Variants in CTNNA2 observed in about 807,000 individuals in gnomAD.
CTNNA2 encodes the protein catenin alpha 2, also known as catenin alpha-2.
CTNNA2 carries 42 observed loss-of-function variants against 101.0 expected under a neutral mutation model. That is an observed-to-expected ratio of 0.42 (90% CI 0.32 to 0.54). The LOEUF (loss-of-function observed/expected upper bound fraction) is 0.54. Among genes scored for constraint, CTNNA2 ranks in the 20% least tolerant of loss-of-function variants. CTNNA2 has a pLI of 0.14. For missense variants in CTNNA2, 871 were observed against 1,223.1 expected (o/e 0.71, Z 4.29); for synonymous variants, 450 against 456.4 (o/e 0.99, Z 0.18).
chr2:79,647,944 T>A (rs2104455527), intron 1 of CTNNA2, among the ~76,000 whole-genome samples: 1 of 152,304 alleles, frequency 6.6e-6, no homozygotes, highest in Non-Finnish European at 1.5e-5. Context: ...CAGAAGGCAG[T>A]AGCACAGAGG....
chr2:79,368,070 A>T (rs920752773), intron 3 of CTNNA2, among the ~76,000 whole-genome samples: 58 of 152,306 alleles, frequency 3.8e-4, no homozygotes, highest in Admixed American at 1.1e-3. Context: ...TTTCATTAGG[A>T]TAGATAAAAT....
chr2:80,193,283 G>A (rs1706637541), intron 7 of CTNNA2, among the ~76,000 whole-genome samples: 1 of 152,088 alleles, frequency 6.6e-6, no homozygotes, highest in Admixed American at 6.6e-5. Flanking sequence ...TCAAGTGTTT[G>A]GTGTGATTCA....
At chr2:79,673,819 T>TC (rs1306897036) in intron 2 of CTNNA2, among the ~76,000 whole-genome samples, 2 of 152,186 alleles carry the variant, frequency 1.3e-5, no homozygotes, top group Admixed American at 1.3e-4. Context: ...TTCCTTAGTC[T>TC]CCCTCTGTCT....
intron 7 of CTNNA2, among the ~76,000 whole-genome samples, chr2:80,170,429 A>T (rs1324626251): frequency 6.6e-6 from 1 of 152,180 alleles, no homozygotes; most frequent in South Asian, 2.1e-4. Context: ...AGACCAGTAG[A>T]ACTGATATGT....
chr2:79,972,536 A>G (rs899598721), intron 7 of CTNNA2, among the ~76,000 whole-genome samples: 8 of 152,198 alleles, frequency 5.3e-5, no homozygotes, highest in Non-Finnish European at 1.2e-4. Context: ...AGACAGGGAA[A>G]AGACACTCAA....
At chr2:80,190,092 A>G (rs997901937) in intron 7 of CTNNA2, among the ~76,000 whole-genome samples, 1 of 151,990 alleles carries the variant, frequency 6.6e-6, no homozygotes, top group Admixed American at 6.5e-5. Flanking sequence ...CTGAATCTCT[A>G]AAACTAGACC....
At chr2:79,267,688 C>T (rs946031051) in intron 2 of CTNNA2, among the ~76,000 whole-genome samples, 2 of 152,014 alleles carry the variant, frequency 1.3e-5, no homozygotes, top group Admixed American at 1.3e-4. Context: ...AGTGGGACCT[C>T]GAGAAAATAG....
intron 7 of CTNNA2, among the ~76,000 whole-genome samples, chr2:80,046,653 C>T (rs4852548): frequency 0.47 from 71,193 of 152,060 alleles, 18,265 homozygotes; most frequent in East Asian, 0.88. Context: ...CACCTCCAGG[C>T]GATCAGGAGT....
At chr2:79,684,894 G>T (rs1276748862) in intron 2 of CTNNA2, among the ~76,000 whole-genome samples, 1 of 151,918 alleles carries the variant, frequency 6.6e-6, no homozygotes, top group Non-Finnish European at 1.5e-5. Flanking sequence ...ATCCCTTCTG[G>T]CCTCTGTGAG....
chr2:79,306,033 G>A (rs540371217), intron 2 of CTNNA2, among the ~76,000 whole-genome samples: 60 of 132,238 alleles, frequency 4.5e-4, no homozygotes, highest in Non-Finnish European at 6.0e-4. Flanking sequence ...GCAACAGAGC[G>A]AGACACCATT....
chr2:79,932,213 C>T (rs988747274), intron 7 of CTNNA2, among the ~76,000 whole-genome samples: 3 of 152,182 alleles, frequency 2.0e-5, no homozygotes, highest in African/African-American at 7.2e-5. Flanking sequence ...TCCCCACACT[C>T]TACCTCCAGA....
intron 1 of CTNNA2, among the ~76,000 whole-genome samples, chr2:79,536,960 C>T (rs1204304942): frequency 6.6e-6 from 1 of 152,124 alleles, no homozygotes; most frequent in East Asian, 1.9e-4. Context: ...CCTCCGCCTC[C>T]CCATGGATTT....
intron 9 of CTNNA2, among the ~76,000 whole-genome samples, chr2:80,464,543 T>A (rs1684701686): frequency 6.6e-6 from 1 of 152,076 alleles, no homozygotes; most frequent in Non-Finnish European, 1.5e-5. Flanking sequence ...GTAGAATGAG[T>A]AGTATCAGGA....
intron 7 of CTNNA2, among the ~76,000 whole-genome samples, chr2:80,146,145 G>C (rs548678150): frequency 7.2e-5 from 11 of 152,310 alleles, no homozygotes; most frequent in Admixed American, 2.6e-4. Context: ...AGCCCTAGCT[G>C]TCTCTTCAAA....
intron 7 of CTNNA2, among the ~76,000 whole-genome samples, chr2:79,962,707 T>C (rs921311762): frequency 1.9e-4 from 29 of 152,260 alleles, no homozygotes; most frequent in Admixed American, 1.8e-3. Flanking sequence ...TTGATAGATA[T>C]GATTGGAGCA....
At chr2:79,760,208 A>C (rs1334353630) in intron 3 of CTNNA2, among the ~76,000 whole-genome samples, 1 of 152,156 alleles carries the variant, frequency 6.6e-6, no homozygotes, top group East Asian at 1.9e-4. Context: ...GCATTATGTA[A>C]ATGCTAATTA....
chr2:79,757,249 G>A (rs2105064068), intron 3 of CTNNA2, among the ~76,000 whole-genome samples: 2 of 138,776 alleles, frequency 1.4e-5, no homozygotes, highest in African/African-American at 5.7e-5. Context: ...TATTAACTGA[G>A]CAGAGCATAA....
intron 2 of CTNNA2, among the ~76,000 whole-genome samples, chr2:79,222,257 G>A (rs911433331): frequency 3.3e-5 from 5 of 152,228 alleles, no homozygotes; most frequent in Non-Finnish European, 7.3e-5. Flanking sequence ...GCCATGAAAT[G>A]TGTGTTGTCA....
At chr2:79,629,162 A>G (rs1388444078) in intron 1 of CTNNA2, among the ~76,000 whole-genome samples, 1 of 152,160 alleles carries the variant, frequency 6.6e-6, no homozygotes, top group Non-Finnish European at 1.5e-5. Flanking sequence ...TATTGTGAGA[A>G]TCATTTTTCT....
Sources: allele counts gnomAD v4.1 joint callset (sites outside exome capture counted in the v4.1 genomes callset), GRCh38; gene constraint gnomAD v4.1.1; transcripts MANE v1.5; gene names NCBI Gene and HGNC (gene_info 2026-07-23, HGNC 2026-07-21).